Variants in UBR4 observed in about 807,000 individuals in gnomAD.
The protein encoded by UBR4 is ubiquitin protein ligase E3 component n-recognin 4.
UBR4 carries 124 observed loss-of-function variants against 575.6 expected under a neutral mutation model. The observed-to-expected ratio is 0.22, with a 90% CI of 0.19 to 0.25. The LOEUF (loss-of-function observed/expected upper bound fraction) is 0.25. Ranked by LOEUF, UBR4 falls within the 10% of genes least tolerant of loss-of-function variation. The pLI is 1.00. For synonymous variants in UBR4, 2,455 were observed against 2,473.7 expected, an observed-to-expected ratio of 0.99 and a Z score of 0.22; for missense variants, 4,818 against 6,478.8, an observed-to-expected ratio of 0.74 and a Z score of 8.80.
chr1:19,129,345 G>T (rs921988463), intron 60 of UBR4, among the ~76,000 whole-genome samples: 2 of 152,214 alleles, frequency 1.3e-5, no homozygotes, highest in African/African-American at 4.8e-5. Context: ...CTACAGGGAA[G>T]TTCAAAGTAT....
At chr1:19,191,216 T>C (rs891285125) in intron 11 of UBR4, among the ~76,000 whole-genome samples, 5 of 152,162 alleles carry the variant, frequency 3.3e-5, no homozygotes, top group African/African-American at 1.2e-4. Flanking sequence ...ACACCTGTAA[T>C]CCCAGCACTC....
In UBR4 at chr1:19,152,719, C is replaced by G. The variant is rs2085908233; in HGVS notation, c.6833-243G>C. On this transcript the variant is annotated intron_variant, in intron 46 of 105. Coordinates refer to ENST00000375254, the MANE Select transcript of UBR4 (RefSeq NM_020765.3). The surrounding 1 kb of genome is among the most constrained non-coding windows in gnomAD (Gnocchi z 4.4). ...TTGGTATTGGGTGTACAGCTAATAACAATAGGCTCTCCTGTAACTGGGTTA... is the reference window on the plus strand; with the variant it reads ...TTGGTATTGGGTGTACAGCTAATAAGAATAGGCTCTCCTGTAACTGGGTTA... Among the ~76,000 whole-genome samples, 1 of 152,196 alleles carries G rather than the reference C, an allele frequency of 6.6e-6. No individual in the cohort carries two copies. Among genetic ancestry groups the G allele is most frequent in the African/African-American group, 2.4e-5 (1 of 41,450 alleles).
At chr1:19,098,849 T>C (rs1342104528) in intron 90 of UBR4, among the ~76,000 whole-genome samples, 1 of 152,174 alleles carries the variant, frequency 6.6e-6, no homozygotes. Flanking sequence ...GCTACACTAG[T>C]TTGCTGTAAT....
At chr1:19,143,434 C>T (rs185616185) in intron 55 of UBR4, among the ~76,000 whole-genome samples, 65 of 152,256 alleles carry the variant, frequency 4.3e-4, no homozygotes, top group African/African-American at 1.5e-3. Flanking sequence ...TTTACTGAAT[C>T]GTAAAATGTT....
At chr1:19,099,356 A>G (rs1557569836) in intron 90 of UBR4, among the ~76,000 whole-genome samples, 1 of 152,226 alleles carries the variant, frequency 6.6e-6, no homozygotes, top group Admixed American at 6.5e-5. Flanking sequence ...TGCACAGCCC[A>G]GCAAAATGCT....
chr1:19,150,579 C>A lies in UBR4; in HGVS notation c.7428G>T (p.Glu2476Asp), dbSNP rs765190003. The A allele has an allele frequency of 1.9e-6, 3 of 1,612,946 alleles. No individual in the cohort carries two copies. Among genetic ancestry groups the A allele is most frequent in the East Asian group, 2.2e-5 (1 of 44,886 alleles). Residue 2476 changes from glutamate (E) to aspartate (D), a missense_variant and splice_region_variant, in exon 49 of 106, where the codon GAG becomes GAT. Physicochemically the swap from Glu to Asp is conservative, Grantham distance 45. This residue lies in a region of UBR4 where 340 missense variants were observed against 375.4 expected (regional missense o/e 0.91). Coordinates refer to ENST00000375254, the MANE Select transcript of UBR4 (RefSeq NM_020765.3). ...CCAACCCCTGCCAGCACTGGTACCT[C>A]TCCAGGACAGTTCCACTGGTCGTAG... ...APTTTSGTVL[E>D]RLVVSSLEAL... is the part of the protein sequence containing the mutation.
At chr1:19,154,066 A>C (rs2086097339) in intron 44 of UBR4, 127 bp from the exon 45 acceptor site, 1 of 1,044,128 alleles carries the variant, frequency 9.6e-7, no homozygotes, top group Non-Finnish European at 1.4e-6. Flanking sequence ...AGGGACTCAG[A>C]TTATCCACAG....
At chr1:19,138,939 C>T (rs2083504230) in intron 59 of UBR4, 144 bp downstream of exon 59, 2 of 1,082,718 alleles carry the variant, frequency 1.8e-6, no homozygotes, top group Non-Finnish European at 2.4e-6. Flanking sequence ...ATGAATTCCA[C>T]AAGACTTTCA....
chr1:19,188,800 T>C (rs1458459401), intron 11 of UBR4, among the ~76,000 whole-genome samples: 2 of 151,980 alleles, frequency 1.3e-5, no homozygotes, highest in African/African-American at 2.4e-5. Context: ...AGATCCCATC[T>C]CTGCAAAAAA....
chr1:19,114,178 CTG>C, intron 75 of UBR4, 108 bp from the exon 76 acceptor site: 1 of 1,410,478 alleles, frequency 7.1e-7, no homozygotes, highest in Non-Finnish European at 9.6e-7. Context: ...AGGTCAGGCA[CTG>C]TGTTTCATAC....
chr1:19,090,373 G>A (rs1480451922), intron 97 of UBR4, among the ~76,000 whole-genome samples: 1 of 152,142 alleles, frequency 6.6e-6, no homozygotes, highest in African/African-American at 2.4e-5. Flanking sequence ...ACTGCCCTCA[G>A]GAGAAAACCC....
At chr1:19,148,444 CA>C in intron 50 of UBR4, 118 bp downstream of exon 50, 2 of 1,325,040 alleles carry the variant, frequency 1.5e-6, no homozygotes, top group Non-Finnish European at 2.1e-6. Context: ...AGCTTCTTAG[CA>C]AATCAAGATT....
chr1:19,146,237 G>C, intron 52 of UBR4: 1 of 630,942 alleles, frequency 1.6e-6, no homozygotes, highest in Non-Finnish European at 2.5e-6. Context: ...AGGAACATCT[G>C]AACATTCTAG....
Position 19,131,594 on chromosome 1 carries a change from C to T in UBR4, c.8907-2520G>A, listed in dbSNP as rs560202995. Among the ~76,000 whole-genome samples the T allele has an allele frequency of 9.2e-5, 14 of 152,282 alleles. 1 individual carries two copies. The South Asian group carries it at 2.9e-3, about 32-fold the overall frequency. On this transcript the variant is annotated intron_variant, in intron 60 of 105. Transcript: ENST00000375254. ...GATTTCAAAAAAAATCTAAAATACACTGGGCGTGGTGGCTCATGCCTGTAA... is the reference window on the plus strand; with the variant it reads ...GATTTCAAAAAAAATCTAAAATACATTGGGCGTGGTGGCTCATGCCTGTAA...
At chr1:19,162,997 G>A (rs778557444) in intron 34 of UBR4, among the ~76,000 whole-genome samples, 10 of 152,204 alleles carry the variant, frequency 6.6e-5, no homozygotes, top group African/African-American at 1.7e-4. Flanking sequence ...ACCATTAAGT[G>A]AAAGTCATTT....
chr1:19,074,560 A>G lies in UBR4; in HGVS notation c.*272T>C. The G allele has an allele frequency of 2.0e-6, 1 of 510,482 alleles. No homozygotes were observed. The highest frequency in any genetic ancestry group is 3.6e-6 in the Non-Finnish European group (1 of 280,462). 31.6% of individuals were successfully genotyped at this position (510,482 alleles called of 1,614,324 possible). A position where few individuals can be genotyped will look rare whatever the true frequency, so the allele number is the denominator to read the frequency against. On this transcript the variant is annotated 3_prime_UTR_variant, in exon 106 of 106. Coordinates refer to ENST00000375254, the MANE Select transcript of UBR4 (RefSeq NM_020765.3). ...TTTATTTCTCAAGATGTGCACACTCAAGTATGAAGCTGGCCGGGACAACTC... is the reference window on the plus strand; with the variant it reads ...TTTATTTCTCAAGATGTGCACACTCGAGTATGAAGCTGGCCGGGACAACTC...
chr1:19,163,990 T>C (rs910435247), intron 33 of UBR4, among the ~76,000 whole-genome samples, 163 bp from the exon 34 acceptor site: 2 of 152,168 alleles, frequency 1.3e-5, no homozygotes, highest in Non-Finnish European at 2.9e-5. Flanking sequence ...TAGCTTGGGG[T>C]GCTCTGGCCT....
chr1:19,140,659 A>C, intron 58 of UBR4, 129 bp downstream of exon 58: 6 of 968,910 alleles, frequency 6.2e-6, no homozygotes, highest in Non-Finnish European at 9.2e-6. Flanking sequence ...CATCTTTCTA[A>C]AGCCAAGGCA....
In UBR4 at chr1:19,156,053, T is replaced by C. The variant is rs186466575; in HGVS notation, c.6072+218A>G. On this transcript the variant is annotated intron_variant, in intron 42 of 105. Coordinates refer to ENST00000375254, the MANE Select transcript of UBR4 (RefSeq NM_020765.3). ...ACAGGGTCTTGCTCTATCACCCAGA[T>C]TGGAGTGGAGTGGCGTGGCATGATC... 3.2e-4 allele frequency among the ~76,000 whole-genome samples: 48 copies of C among 152,246 alleles called. 1 individual carries two copies. In the East Asian group the frequency reaches 8.7e-3, roughly 28 times the overall value.
Sources: gnomAD v4.1 joint callset for allele counts (sites outside exome capture counted in the v4.1 genomes callset) on GRCh38, gnomAD v4.1.1 for gene constraint, gnomAD v4.1.1 regional missense constraint, Gnocchi (gnomAD v3.1) non-coding constraint, MANE v1.5 for transcripts, NCBI Gene and HGNC (gene_info 2026-07-23, HGNC 2026-07-21) for gene names.